The following GSG1L variants were observed in gnomAD, a reference collection of about 807,000 sequenced individuals.
The protein encoded by GSG1L is germ cell-specific gene 1-like protein.
Under a neutral mutation model 42.1 loss-of-function variants are expected in GSG1L, and 24 were observed. The observed-to-expected ratio is 0.57, with a 90% CI of 0.41 to 0.80. The LOEUF (loss-of-function observed/expected upper bound fraction) is 0.80. GSG1L is among the 30% of genes least tolerant of loss of function. The pLI is 0.00. For synonymous variants in GSG1L, 215 were observed against 203.5 expected (o/e 1.06, Z -0.48); for missense variants, 445 against 472.2 (o/e 0.94, Z 0.53).
intron 1 of GSG1L, among the ~76,000 whole-genome samples, chr16:28,049,659 C>G (rs889332164): frequency 1.4e-4 from 21 of 151,470 alleles, no homozygotes; most frequent in Non-Finnish European, 4.4e-5. Context: ...TGCACTCCAG[C>G]CTGGGCAACA....
intron 3 of GSG1L, among the ~76,000 whole-genome samples, chr16:27,852,544 G>C (rs1030764492): frequency 6.6e-6 from 1 of 152,082 alleles, no homozygotes; most frequent in Non-Finnish European, 1.5e-5. Flanking sequence ...GGGAGGAGGA[G>C]GAGGGTGGAG....
intron 3 of GSG1L, among the ~76,000 whole-genome samples, chr16:27,878,544 A>G (rs551918958): frequency 8.5e-5 from 13 of 152,310 alleles, no homozygotes; most frequent in African/African-American, 3.1e-4. Flanking sequence ...GGGTGGAGAC[A>G]CAGAGGTAAA....
intron 1 of GSG1L, among the ~76,000 whole-genome samples, chr16:28,045,284 T>C (rs2086148709): frequency 6.6e-6 from 1 of 152,112 alleles, no homozygotes; most frequent in African/African-American, 2.4e-5. Flanking sequence ...GTGGGAGATG[T>C]TGATAATGGG....
intron 3 of GSG1L, among the ~76,000 whole-genome samples, chr16:27,871,226 C>G (rs1407595741): frequency 3.9e-5 from 6 of 152,166 alleles, no homozygotes; most frequent in Non-Finnish European, 8.8e-5. Context: ...GCCAGGGATG[C>G]TGCTGGACAC....
At chr16:27,931,965 G>C (rs2084661380) in intron 2 of GSG1L, among the ~76,000 whole-genome samples, 1 of 152,324 alleles carries the variant, frequency 6.6e-6, no homozygotes, top group Admixed American at 6.5e-5. Context: ...CTGCATTACT[G>C]TTCAGCAGAC....
intron 2 of GSG1L, among the ~76,000 whole-genome samples, chr16:27,894,154 T>C (rs563907204): frequency 1.3e-5 from 2 of 152,206 alleles, no homozygotes; most frequent in Non-Finnish European, 2.9e-5. Flanking sequence ...GGGAAAAGGA[T>C]ACATCGCCAT....
At chr16:27,818,793 CTT>C (rs915497411) in intron 5 of GSG1L, among the ~76,000 whole-genome samples, 2 of 149,598 alleles carry the variant, frequency 1.3e-5, no homozygotes, top group Non-Finnish European at 3.0e-5. Flanking sequence ...TTAAGAAGGA[CTT>C]TTTTTTTTCT....
At chr16:27,975,071 T>G (rs993619890) in intron 1 of GSG1L, among the ~76,000 whole-genome samples, 4 of 152,082 alleles carry the variant, frequency 2.6e-5, no homozygotes, top group Non-Finnish European at 5.9e-5. Flanking sequence ...TAAGCATCTC[T>G]GGGCCGGGAC....
At chr16:28,056,165 G>A (rs528842388) in intron 1 of GSG1L, among the ~76,000 whole-genome samples, 76 of 152,166 alleles carry the variant, frequency 5.0e-4, no homozygotes, top group African/African-American at 1.8e-3. Flanking sequence ...AAAGACACAT[G>A]CACAGGCGTG....
intron 2 of GSG1L, among the ~76,000 whole-genome samples, chr16:27,897,573 T>G (rs1029476265): frequency 7.2e-5 from 11 of 152,192 alleles, no homozygotes; most frequent in African/African-American, 2.7e-4. Context: ...GTTTTGGGAT[T>G]ACAGGCATGA....
intron 1 of GSG1L, among the ~76,000 whole-genome samples, chr16:27,984,215 CA>C (rs1457679266): frequency 1.1e-4 from 16 of 152,300 alleles, no homozygotes; most frequent in African/African-American, 3.8e-4. Context: ...CGGGATTTGT[CA>C]GCCTCTTTCT....
At chr16:27,817,053 C>T (rs1042248654) in intron 5 of GSG1L, among the ~76,000 whole-genome samples, 4 of 152,058 alleles carry the variant, frequency 2.6e-5, no homozygotes, top group African/African-American at 7.2e-5. Context: ...GGAGAAAAGG[C>T]GGATGAAGGC....
intron 4 of GSG1L, among the ~76,000 whole-genome samples, chr16:27,841,625 G>A (rs143122781): frequency 4.6e-5 from 7 of 152,312 alleles, no homozygotes; most frequent in East Asian, 1.9e-4. Context: ...TGCAGCCCTG[G>A]CGAGGCCCCA....
In GSG1L at chr16:27,979,695, G is replaced by A. The variant is rs1221865101; in HGVS notation, c.350-16492C>T. ...AGAGAGAGAGAAAGAAAGAAGGAAG[G>A]AAGGAAGGAAGGAAGGAAGGAAGGA... On this transcript the variant is annotated intron_variant, in intron 1 of 6. Transcript: ENST00000447459. Among the ~76,000 whole-genome samples the A allele has an allele frequency of 2.7e-3, 113 of 42,410 alleles. 2 individuals are homozygous for A. The highest frequency in any genetic ancestry group is 9.4e-3 in the African/African-American group (92 of 9,758). The allele number at this position is 42,410 out of a possible 152,430, so 27.8% of individuals were successfully genotyped here.
rs1159341232 is a variant in GSG1L, at chr16:28,063,146, G to T, written c.279C>A (p.Asp93Glu). 2.8e-6 allele frequency: 4 copies of T among 1,426,956 alleles called. No homozygotes were observed. The South Asian group carries it at 5.4e-5, about 19-fold the overall frequency. 88.4% of individuals were successfully genotyped at this position (1,426,956 alleles called of 1,614,324 possible). A position where few individuals can be genotyped will look rare whatever the true frequency, so the allele number is the denominator to read the frequency against. The change falls in exon 1 of 7, where the codon GAC becomes GAA. Residue 93 changes from aspartate (D) to glutamate (E), a missense_variant. Coordinates refer to ENST00000447459, the MANE Select transcript of GSG1L (RefSeq NM_001109763.2). This position sits in a 1 kb window ranked among gnomAD's most constrained non-coding sequence, Gnocchi z 5.8. ...GGAAATTCCTGAAGAGGAAGCGGTC[G>T]TCGCCGGTCTCCCAGCTGTAGAGCG... is the stretch of plus-strand genomic sequence containing the variant. The part of the protein sequence containing the change: ...GGALYSWETG[D>E]DRFLFRNFHT...
intron 2 of GSG1L, among the ~76,000 whole-genome samples, chr16:27,948,435 G>A (rs996079061): frequency 8.7e-5 from 13 of 149,176 alleles, no homozygotes; most frequent in Admixed American, 2.7e-4. Flanking sequence ...GTGCAGTGGC[G>A]TGATACTGGC....
intron 1 of GSG1L, among the ~76,000 whole-genome samples, chr16:28,061,646 C>A (rs2086343095): frequency 1.3e-5 from 2 of 152,192 alleles, no homozygotes; most frequent in African/African-American, 4.8e-5. Flanking sequence ...AGAGTGACAT[C>A]CTATGGGGAG....
chr16:27,808,982 G>C (rs2082999853), intron 5 of GSG1L, among the ~76,000 whole-genome samples: 1 of 152,128 alleles, frequency 6.6e-6, no homozygotes, highest in South Asian at 2.1e-4. Context: ...AGAACCGGTG[G>C]GGTCATGTTC....
intron 3 of GSG1L, among the ~76,000 whole-genome samples, chr16:27,876,531 A>C (rs1331297344): frequency 6.6e-6 from 1 of 152,234 alleles, no homozygotes; most frequent in East Asian, 1.9e-4. Flanking sequence ...ATGAGATCGT[A>C]AGGCAAATGG....
Sources: allele counts gnomAD v4.1 joint callset (sites outside exome capture counted in the v4.1 genomes callset), GRCh38; gene constraint gnomAD v4.1.1; non-coding constraint Gnocchi (gnomAD v3.1); transcripts MANE v1.5; gene names NCBI Gene and HGNC (gene_info 2026-07-23, HGNC 2026-07-21).